NRG3: variants seen among roughly 807,000 people sequenced by gnomAD.
NRG3 encodes neuregulin 3, also known as pro-neuregulin-3, membrane-bound isoform.
A neutral mutation model predicts 66.9 loss-of-function variants in NRG3; 31 were observed. The observed-to-expected ratio is 0.46, with a 90% CI of 0.35 to 0.63. The LOEUF (loss-of-function observed/expected upper bound fraction) is 0.63, where lower values mean the gene tolerates loss of function less well. NRG3 is among the 20% of genes least tolerant of loss of function. NRG3 has a pLI of 0.00. For missense variants in NRG3, 910 were observed against 878.9 expected (o/e 1.04, Z -0.45); for synonymous variants, 393 against 359.4 (o/e 1.09, Z -1.06).
chr10:82,735,391 G>A (rs2058104288), intron 2 of NRG3, among the ~76,000 whole-genome samples: 1 of 152,156 alleles, frequency 6.6e-6, no homozygotes, highest in Non-Finnish European at 1.5e-5. Flanking sequence ...GACAGATTGA[G>A]TGGAGCTTTG....
chr10:81,877,833 A>G, intron 1 of NRG3: 7 of 1,457,020 alleles, frequency 4.8e-6, no homozygotes, highest in Non-Finnish European at 6.3e-6. Context: ...CAACAAATCT[A>G]GCTTGTGTTT....
chr10:81,927,271 A>T (rs1846899043), intron 1 of NRG3, among the ~76,000 whole-genome samples: 1 of 152,162 alleles, frequency 6.6e-6, no homozygotes, highest in Non-Finnish European at 1.5e-5. Context: ...TCTTGCCTTC[A>T]TAAACTGAAT....
Position 82,892,695 on chromosome 10 carries a change from A to ATAAATAAC in NRG3, c.1054+27265_1054+27266insCTAAATAA, listed in dbSNP as rs1554835723. ...AATAAATAAATAAATAAATAAATAA[A>ATAAATAAC]TAAATAAATAAAAGTTAAAAATAAA... On this transcript the variant is annotated intron_variant, in intron 4 of 8. Transcript: ENST00000372141. Among the ~76,000 whole-genome samples the ATAAATAAC allele has an allele frequency of 1.7e-4, 26 of 151,112 alleles. 2 individuals carry two copies. Among genetic ancestry groups the ATAAATAAC allele is most frequent in the African/African-American group, 5.6e-4 (23 of 41,262 alleles).
intron 1 of NRG3, among the ~76,000 whole-genome samples, chr10:82,211,404 A>G (rs961942329): frequency 2.0e-5 from 3 of 152,138 alleles, no homozygotes; most frequent in Non-Finnish European, 2.9e-5. Flanking sequence ...TAGAATGAAG[A>G]TGGTTGAGGT....
chr10:82,669,855 G>A (rs1016234834), intron 2 of NRG3, among the ~76,000 whole-genome samples: 1 of 151,664 alleles, frequency 6.6e-6, no homozygotes, highest in African/African-American at 2.4e-5. Context: ...GTGAACCCGG[G>A]AGGCGGAGCT....
intron 3 of NRG3, among the ~76,000 whole-genome samples, chr10:82,781,238 A>G (rs542256366): frequency 1.3e-5 from 2 of 152,204 alleles, no homozygotes; most frequent in Non-Finnish European, 1.5e-5. Flanking sequence ...GAGGAGAGGA[A>G]CAAGGAATGA....
At chr10:82,329,914 C>T (rs1233308563) in intron 1 of NRG3, among the ~76,000 whole-genome samples, 1 of 152,152 alleles carries the variant, frequency 6.6e-6, no homozygotes, top group Non-Finnish European at 1.5e-5. Flanking sequence ...TAGCTATGGA[C>T]CATGGCTACC....
At chr10:82,043,243 A>G (rs977127278) in intron 1 of NRG3, among the ~76,000 whole-genome samples, 2 of 152,080 alleles carry the variant, frequency 1.3e-5, no homozygotes, top group African/African-American at 4.8e-5. Flanking sequence ...AATCTACACT[A>G]TATTGATAGT....
intron 1 of NRG3, among the ~76,000 whole-genome samples, chr10:82,344,478 G>T (rs918794458): frequency 6.7e-6 from 1 of 148,450 alleles, no homozygotes; most frequent in Admixed American, 6.6e-5. Context: ...GGACATTTGG[G>T]TTGGTTCCAA....
intron 1 of NRG3, among the ~76,000 whole-genome samples, chr10:82,075,345 T>C (rs1456184362): frequency 6.6e-6 from 1 of 152,192 alleles, no homozygotes; most frequent in Non-Finnish European, 1.5e-5. Context: ...GATGGATACA[T>C]TTTATACATT....
intron 2 of NRG3, among the ~76,000 whole-genome samples, chr10:82,604,591 A>C (rs1258225800): frequency 6.6e-6 from 1 of 152,144 alleles, no homozygotes; most frequent in Admixed American, 6.6e-5. Flanking sequence ...ATTTGACTTG[A>C]GGACATGCTA....
chr10:82,560,914 T>A (rs1052534908), intron 2 of NRG3, among the ~76,000 whole-genome samples: 20 of 152,072 alleles, frequency 1.3e-4, no homozygotes, highest in African/African-American at 4.8e-4. Context: ...AGGTCCCTAA[T>A]ATATTAACTA....
intron 2 of NRG3, among the ~76,000 whole-genome samples, chr10:82,653,923 A>T (rs961090629): frequency 2.0e-5 from 3 of 152,156 alleles, no homozygotes; most frequent in African/African-American, 7.2e-5. Flanking sequence ...TCTAGGTGGC[A>T]GGGGGGTGCA....
intron 1 of NRG3, among the ~76,000 whole-genome samples, chr10:82,009,590 A>G (rs2061499932): frequency 6.6e-6 from 1 of 152,230 alleles, no homozygotes; most frequent in South Asian, 2.1e-4. Flanking sequence ...TTCCTTTTAC[A>G]CTAAAGGAAG....
At chr10:82,041,654 C>T (rs1313677667) in intron 1 of NRG3, among the ~76,000 whole-genome samples, 1 of 151,976 alleles carries the variant, frequency 6.6e-6, no homozygotes, top group Non-Finnish European at 1.5e-5. Flanking sequence ...CTGTAGGGGG[C>T]TAATAAGTCA....
chr10:82,663,748 AG>A (rs1216154016), intron 2 of NRG3, among the ~76,000 whole-genome samples: 1 of 152,228 alleles, frequency 6.6e-6, no homozygotes, highest in Non-Finnish European at 1.5e-5. Context: ...TAGAAATATC[AG>A]GTTTGTAAGA....
At chr10:82,062,737 GA>G (rs2064231047) in intron 1 of NRG3, among the ~76,000 whole-genome samples, 1 of 152,098 alleles carries the variant, frequency 6.6e-6, no homozygotes, top group Admixed American at 6.6e-5. Flanking sequence ...TGCTACTGGG[GA>G]AAAGTATCAT....
intron 1 of NRG3, among the ~76,000 whole-genome samples, chr10:82,047,512 C>T (rs369609273): frequency 0.038 from 5,680 of 151,354 alleles, 365 homozygotes; most frequent in African/African-American, 0.13. Context: ...GCTTCATAAG[C>T]GAAGGAGAAA....
chr10:82,866,005 G>A (rs112860786), intron 4 of NRG3, among the ~76,000 whole-genome samples: 3 of 152,084 alleles, frequency 2.0e-5, no homozygotes, highest in East Asian at 1.9e-4. Context: ...ATGTTTCAAA[G>A]CATTAGAATG....
Sources: allele counts gnomAD v4.1 joint callset (sites outside exome capture counted in the v4.1 genomes callset), GRCh38; gene constraint gnomAD v4.1.1; transcripts MANE v1.5; gene names NCBI Gene and HGNC (gene_info 2026-07-23, HGNC 2026-07-21).